Variants in RBFOX1 observed in about 807,000 individuals in gnomAD.
RBFOX1 encodes RNA binding fox-1 homolog 1.
A neutral mutation model predicts 57.7 loss-of-function variants in RBFOX1; 8 were observed. That is an observed-to-expected ratio of 0.14 (90% CI 0.08 to 0.25). The LOEUF (loss-of-function observed/expected upper bound fraction) is 0.25, where lower values mean the gene tolerates loss of function less well. Ranked by LOEUF, RBFOX1 falls within the 10% of genes least tolerant of loss-of-function variation. RBFOX1 has a pLI of 1.00. For missense variants in RBFOX1, 611 were observed against 548.5 expected, an observed-to-expected ratio of 1.11 and a Z score of -1.14; for synonymous variants, 326 against 222.4, an observed-to-expected ratio of 1.47 and a Z score of -4.15.
chr16:5,627,321 A>G (rs1387394054), intron 3 of RBFOX1, among the ~76,000 whole-genome samples: 1 of 152,186 alleles, frequency 6.6e-6, no homozygotes, highest in Non-Finnish European at 1.5e-5. Flanking sequence ...ATAGAACAAA[A>G]GGTAATGAAT....
At chr16:6,767,947 T>TAATAAGAAGAAGAAGAAGAAG (rs1410744665) in intron 3 of RBFOX1, among the ~76,000 whole-genome samples, 64 of 101,034 alleles carry the variant, frequency 6.3e-4, no homozygotes, top group African/African-American at 2.4e-3. Context: ...ATAATAATAA[T>TAATAAGAAGAAGAAGAAGAAG]AAGAAGAAGA....
chr16:5,795,178 T>A (rs888169626), intron 3 of RBFOX1, among the ~76,000 whole-genome samples: 1 of 152,150 alleles, frequency 6.6e-6, no homozygotes, highest in Non-Finnish European at 1.5e-5. Flanking sequence ...GCCTAACCCA[T>A]AAATGTCAAG....
chr16:6,109,459 A>G (rs905819437), intron 1 of RBFOX1, among the ~76,000 whole-genome samples: 27 of 152,132 alleles, frequency 1.8e-4, no homozygotes, highest in African/African-American at 6.0e-4. Flanking sequence ...AATTGTGGAG[A>G]TAAATTTTTT....
At chr16:6,984,304 A>G (rs1249116915) in intron 3 of RBFOX1, among the ~76,000 whole-genome samples, 2 of 152,148 alleles carry the variant, frequency 1.3e-5, no homozygotes, top group Non-Finnish European at 2.9e-5. Flanking sequence ...ACCTAGAGAA[A>G]TTTGACCAGC....
At chr16:6,663,482 C>A (rs2098713833) in intron 3 of RBFOX1, among the ~76,000 whole-genome samples, 1 of 152,102 alleles carries the variant, frequency 6.6e-6, no homozygotes, top group Non-Finnish European at 1.5e-5. Flanking sequence ...CTTCTGATAG[C>A]AGAACAAAGA....
intron 2 of RBFOX1, among the ~76,000 whole-genome samples, chr16:6,573,013 A>G (rs80162510): frequency 1.3e-5 from 2 of 152,172 alleles, no homozygotes; most frequent in African/African-American, 2.4e-5. Flanking sequence ...GGATCACTCT[A>G]TTAAGAGATC....
At chr16:7,100,433 T>G (rs577958547) in intron 4 of RBFOX1, among the ~76,000 whole-genome samples, 1 of 152,286 alleles carries the variant, frequency 6.6e-6, no homozygotes, top group Non-Finnish European at 1.5e-5. Context: ...AATATCAGTA[T>G]ATTTGAATTT....
At position 6,019,904 on chromosome 16, in the gene RBFOX1, G is replaced by C. The variant is rs1178790388; in HGVS notation, c.-215G>C. Reference sequence around the variant, plus strand: ...CCTTCCGCCGCCTCCAGCTTATGGTGAGTGTGGCTGGGGGTGCAGAGAGCG... The same window carrying C: ...CCTTCCGCCGCCTCCAGCTTATGGTCAGTGTGGCTGGGGGTGCAGAGAGCG... On this transcript the variant is annotated 5_prime_UTR_variant, in exon 1 of 16. Transcript: ENST00000550418. The surrounding 1 kb of genome is among the most constrained non-coding windows in gnomAD (Gnocchi z 4.2). The C allele has an allele frequency of 2.6e-6, 4 of 1,535,058 alleles. No homozygotes were observed. Among genetic ancestry groups the C allele is most frequent in the Non-Finnish European group, 3.5e-6 (4 of 1,146,620 alleles).
intron 1 of RBFOX1, among the ~76,000 whole-genome samples, chr16:6,273,475 G>C (rs1209827858): frequency 6.7e-6 from 1 of 150,114 alleles, no homozygotes; most frequent in South Asian, 2.1e-4. Flanking sequence ...CTCCTGAGTA[G>C]CTGGGATTAC....
At chr16:7,619,922 A>G (rs1005510544) in intron 10 of RBFOX1, among the ~76,000 whole-genome samples, 1 of 152,206 alleles carries the variant, frequency 6.6e-6, no homozygotes, top group African/African-American at 2.4e-5. Flanking sequence ...CCGGACAGGA[A>G]TCCTAGCCCA....
At chr16:6,971,265 C>T (rs966865965) in intron 3 of RBFOX1, among the ~76,000 whole-genome samples, 1 of 152,254 alleles carries the variant, frequency 6.6e-6, no homozygotes, top group East Asian at 1.9e-4. Context: ...TCTTCTGGAA[C>T]ACCTTGGGGA....
chr16:5,807,257 G>T (rs975467141), intron 3 of RBFOX1, among the ~76,000 whole-genome samples: 2 of 152,114 alleles, frequency 1.3e-5, no homozygotes, highest in African/African-American at 4.8e-5. Flanking sequence ...CCTTCACGGG[G>T]GCTGTGGATA....
chr16:7,125,742 A>G (rs564519594), intron 4 of RBFOX1, among the ~76,000 whole-genome samples: 2 of 151,962 alleles, frequency 1.3e-5, no homozygotes, highest in South Asian at 4.1e-4. Context: ...TCACACAACT[A>G]TGCAAATTGT....
At chr16:7,251,405 G>GTTTTTTT (rs71391610) in intron 4 of RBFOX1, among the ~76,000 whole-genome samples, 1 of 127,940 alleles carries the variant, frequency 7.8e-6, no homozygotes, top group Non-Finnish European at 1.6e-5. Context: ...ACTTCTGTCC[G>GTTTTTTT]TTTTTTTTTT....
In RBFOX1 at chr16:7,502,798, C is replaced by A. The variant is rs184090940; in HGVS notation, c.28-15349C>A. Among the ~76,000 whole-genome samples the A allele has an allele frequency of 4.3e-3, 653 of 152,182 alleles. 4 individuals are homozygous for A. Among genetic ancestry groups the A allele is most frequent in the African/African-American group, 0.015 (611 of 41,514 alleles). On this transcript the variant is annotated intron_variant, in intron 4 of 15. Coordinates refer to ENST00000550418, the MANE Select transcript of RBFOX1 (RefSeq NM_018723.4). ...CAGAACTTTGAAAGGCCAAGATGGG[C>A]AGATCATCTGAGGTCAGGGTTTGAG... is the stretch of plus-strand genomic sequence containing the variant.
intron 2 of RBFOX1, among the ~76,000 whole-genome samples, chr16:6,511,182 C>A (rs2096248662): frequency 6.6e-6 from 1 of 152,032 alleles, no homozygotes; most frequent in Non-Finnish European, 1.5e-5. Flanking sequence ...CTGGAAAATC[C>A]CAAAAGAGAA....
chr16:6,795,745 G>A (rs2083868965), intron 3 of RBFOX1, among the ~76,000 whole-genome samples: 1 of 149,518 alleles, frequency 6.7e-6, no homozygotes, highest in African/African-American at 2.5e-5. Flanking sequence ...TAGCCTGGGT[G>A]ACAGAGTGAA....
intron 2 of RBFOX1, among the ~76,000 whole-genome samples, chr16:6,435,118 C>G (rs74971617): frequency 6.6e-6 from 1 of 152,134 alleles, no homozygotes. Context: ...TCTAGGACCT[C>G]AAAGGAATGG....
intron 3 of RBFOX1, among the ~76,000 whole-genome samples, chr16:5,700,114 G>C (rs1318917102): frequency 6.6e-6 from 1 of 152,212 alleles, no homozygotes; most frequent in African/African-American, 2.4e-5. Context: ...TTACAGGCGT[G>C]AGCCACCATG....
Sources: gnomAD v4.1 joint callset for allele counts (sites outside exome capture counted in the v4.1 genomes callset) on GRCh38, gnomAD v4.1.1 for gene constraint, Gnocchi (gnomAD v3.1) non-coding constraint, MANE v1.5 for transcripts, NCBI Gene and HGNC (gene_info 2026-07-23, HGNC 2026-07-21) for gene names.